HPSE2: variants seen among roughly 807,000 people sequenced by gnomAD.
HPSE2 encodes inactive heparanase-2.
A neutral mutation model predicts 60.5 loss-of-function variants in HPSE2; 38 were observed. The observed-to-expected ratio is 0.63, with a 90% CI of 0.48 to 0.82. The LOEUF (loss-of-function observed/expected upper bound fraction) is 0.82. Among genes scored for constraint, HPSE2 ranks in the 40% least tolerant of loss-of-function variants. HPSE2 has a pLI of 0.00. For synonymous variants in HPSE2, 295 were observed against 293.2 expected (o/e 1.01, Z -0.06); for missense variants, 713 against 740.4 (o/e 0.96, Z 0.43).
At chr10:98,901,974 T>C (rs117765632) in intron 3 of HPSE2, among the ~76,000 whole-genome samples, 18 of 152,276 alleles carry the variant, frequency 1.2e-4, no homozygotes, top group Non-Finnish European at 1.0e-4. Context: ...CCAGGTACCT[T>C]AGTCTCTAAG....
chr10:98,743,533 C>T (rs1949553627), intron 4 of HPSE2, among the ~76,000 whole-genome samples: 1 of 152,120 alleles, frequency 6.6e-6, no homozygotes, highest in Non-Finnish European at 1.5e-5. Flanking sequence ...CTTGTAGGAC[C>T]AATGTTCCAC....
chr10:99,092,842 T>A (rs1322085828), intron 3 of HPSE2, among the ~76,000 whole-genome samples: 1 of 152,218 alleles, frequency 6.6e-6, no homozygotes, highest in Non-Finnish European at 1.5e-5. Context: ...CTTTTGTGGT[T>A]CCAATGAGAC....
At chr10:98,653,024 C>T (rs1589576614) in intron 6 of HPSE2, among the ~76,000 whole-genome samples, 1 of 152,194 alleles carries the variant, frequency 6.6e-6, no homozygotes, top group South Asian at 2.1e-4. Flanking sequence ...CCAGTTTTTG[C>T]CTCACATATT....
At chr10:98,941,632 A>C (rs1434525176) in intron 3 of HPSE2, among the ~76,000 whole-genome samples, 1 of 138,714 alleles carries the variant, frequency 7.2e-6, no homozygotes, top group Admixed American at 7.2e-5. Context: ...AAGAATCAAT[A>C]TCGTGAAAAT....
intron 2 of HPSE2, among the ~76,000 whole-genome samples, chr10:99,181,562 T>C (rs550860424): frequency 1.3e-5 from 2 of 152,232 alleles, no homozygotes; most frequent in African/African-American, 4.8e-5. Flanking sequence ...TAAAAAAGGA[T>C]GAGTTCATGT....
At chr10:99,244,382 T>TTTTTTA in the HPSE2 span, among the ~76,000 whole-genome samples, 39 of 134,158 alleles carry the variant, frequency 2.9e-4, no homozygotes, top group African/African-American at 1.0e-3. Flanking sequence ...TTTTATTTCT[T>TTTTTTA]TTATTATTAT....
chr10:98,907,482 C>A (rs1166397726), intron 3 of HPSE2, among the ~76,000 whole-genome samples: 2 of 152,010 alleles, frequency 1.3e-5, no homozygotes, highest in Admixed American at 6.6e-5. Context: ...ATTAAAAAAA[C>A]AAAACAAAAC....
intron 6 of HPSE2, among the ~76,000 whole-genome samples, chr10:98,662,040 G>A (rs766533607): frequency 2.6e-5 from 4 of 152,082 alleles, no homozygotes; most frequent in Non-Finnish European, 4.4e-5. Flanking sequence ...GACTACAGGC[G>A]CGTGCCACCA....
chr10:98,972,416 C>T (rs540324388), intron 3 of HPSE2, among the ~76,000 whole-genome samples: 13 of 152,152 alleles, frequency 8.5e-5, no homozygotes, highest in African/African-American at 2.9e-4. Context: ...CCTTTATTGG[C>T]TGTGCTTTAT....
chr10:98,603,632 G>A (rs1158779762), intron 9 of HPSE2, among the ~76,000 whole-genome samples: 1 of 151,982 alleles, frequency 6.6e-6, no homozygotes, highest in African/African-American at 2.4e-5. Flanking sequence ...GTTTCACCAT[G>A]TTGGGCAGGA....
At position 98,812,379 on chromosome 10, in the gene HPSE2, A is replaced by T. The variant is rs534763883; in HGVS notation, c.611-68323T>A. Among the ~76,000 whole-genome samples, 34 of 152,240 alleles carry T rather than the reference A, an allele frequency of 2.2e-4. No homozygotes were observed. The South Asian group carries it at 7.1e-3, about 32-fold the overall frequency. ...AAGGGCTACTCCAGGAATTCTCAAA[A>T]TTTATATACACAGGAATCCCCTGTG... On this transcript the variant is annotated intron_variant, in intron 3 of 11. Transcript: ENST00000370552.
intron 9 of HPSE2, among the ~76,000 whole-genome samples, chr10:98,574,170 C>T (rs10883137): frequency 0.45 from 68,514 of 151,700 alleles, 18,545 homozygotes; most frequent in Middle Eastern, 0.59. Flanking sequence ...TGGCTTCTTT[C>T]ACTTAATACT....
At chr10:98,522,950 A>G (rs1564937990) in intron 9 of HPSE2, among the ~76,000 whole-genome samples, 1 of 152,232 alleles carries the variant, frequency 6.6e-6, no homozygotes, top group African/African-American at 2.4e-5. Flanking sequence ...AAGAGAAAAT[A>G]TACTAGAAAC....
rs1554894565 is a variant in HPSE2, at chr10:99,126,392, C to CAAA, written c.610+17845_610+17846insTTT. 6.6e-6 allele frequency among the ~76,000 whole-genome samples: 1 copy of CAAA among 151,550 alleles called. No individual in the cohort carries two copies. The highest frequency in any genetic ancestry group is 1.9e-4 in the East Asian group (1 of 5,132). ...TGCCCTAGTAGCTGAACAGAAAAGA[C>CAAA]AGCTCATCCAAGCTTTATGGCCCCA... On this transcript the variant is annotated intron_variant, in intron 3 of 11. Transcript: ENST00000370552. This position sits in a 1 kb window ranked among gnomAD's most constrained non-coding sequence, Gnocchi z 4.0.
intron 6 of HPSE2, among the ~76,000 whole-genome samples, chr10:98,690,434 G>A (rs1320490064): frequency 2.0e-5 from 3 of 152,106 alleles, no homozygotes; most frequent in South Asian, 2.1e-4. Context: ...CCAGCTACTC[G>A]GGAGGCTGAG....
chr10:98,878,931 T>C (rs564954558), intron 3 of HPSE2, among the ~76,000 whole-genome samples: 2 of 151,962 alleles, frequency 1.3e-5, no homozygotes, highest in African/African-American at 4.8e-5. Context: ...ATTAAATATC[T>C]GGCAAGAGAG....
At chr10:98,715,839 T>C (rs1295425180) in intron 5 of HPSE2, among the ~76,000 whole-genome samples, 1 of 152,002 alleles carries the variant, frequency 6.6e-6, no homozygotes, top group Non-Finnish European at 1.5e-5. Context: ...AGGTGGTGAT[T>C]ACTAGAAGGC....
At chr10:99,236,454 G>T (rs550731300), upstream of HPSE2, among the ~76,000 whole-genome samples, 1 of 152,094 alleles carries the variant, frequency 6.6e-6, no homozygotes, top group South Asian at 2.1e-4. Context: ...CACTTCGTCC[G>T]CTCAGGGCCC....
chr10:99,091,425 C>G (rs993607623), intron 3 of HPSE2, among the ~76,000 whole-genome samples: 3 of 152,110 alleles, frequency 2.0e-5, no homozygotes, highest in Non-Finnish European at 4.4e-5. Flanking sequence ...ACCCAGGTCT[C>G]TAGACTCTAT....
Sources: gnomAD v4.1 joint callset for allele counts (sites outside exome capture counted in the v4.1 genomes callset) on GRCh38, gnomAD v4.1.1 for gene constraint, Gnocchi (gnomAD v3.1) non-coding constraint, MANE v1.5 for transcripts, NCBI Gene and HGNC (gene_info 2026-07-23, HGNC 2026-07-21) for gene names.